Variants in KCNMA1 observed in about 807,000 individuals in gnomAD.
KCNMA1 encodes Calcium-activated potassium channel subunit alpha-1.
A neutral mutation model predicts 140.0 loss-of-function variants in KCNMA1; 29 were observed. The ratio of observed to expected loss-of-function variants is 0.21; its 90% CI spans 0.15 to 0.28. The LOEUF (loss-of-function observed/expected upper bound fraction) is 0.28, where lower values mean the gene tolerates loss of function less well. Among genes scored for constraint, KCNMA1 ranks in the 10% least tolerant of loss-of-function variants. The probability of loss-of-function intolerance (pLI) is 1.00; values close to 1 mark genes in which losing one functional copy is unlikely to be tolerated. For missense variants in KCNMA1, 880 were observed against 1,602.2 expected, an observed-to-expected ratio of 0.55 and a Z score of 7.70; for synonymous variants, 612 against 611.9, an observed-to-expected ratio of 1.00 and a Z score of 0.00.
intron 2 of KCNMA1, among the ~76,000 whole-genome samples, chr10:77,395,531 T>C (rs2096015939): frequency 1.3e-5 from 2 of 152,154 alleles, no homozygotes; most frequent in Admixed American, 6.5e-5. Flanking sequence ...CACAGGGAAA[T>C]GAAAATGGAA....
At chr10:77,533,499 A>G (rs2058180301) in intron 1 of KCNMA1, among the ~76,000 whole-genome samples, 1 of 152,158 alleles carries the variant, frequency 6.6e-6, no homozygotes, top group Admixed American at 6.5e-5. Flanking sequence ...GGAACAGTAA[A>G]TGTTGGAAGT....
chr10:76,911,264 C>G (rs1286028946), intron 24 of KCNMA1: 1 of 151,914 alleles, frequency 6.6e-6, no homozygotes, highest in Non-Finnish European at 1.5e-5. Flanking sequence ...GCATGAAAGG[C>G]TAGGCATGGA....
intron 3 of KCNMA1, among the ~76,000 whole-genome samples, chr10:77,215,917 C>T (rs2047637956): frequency 6.6e-6 from 1 of 151,630 alleles, no homozygotes; most frequent in Non-Finnish European, 1.5e-5. Context: ...CTCTCTCTCT[C>T]TCTCTCTCTC....
intron 1 of KCNMA1, among the ~76,000 whole-genome samples, chr10:77,549,839 G>A (rs778325546): frequency 2.6e-5 from 4 of 152,320 alleles, no homozygotes; most frequent in East Asian, 3.9e-4. Context: ...GTAGGTGTTC[G>A]TACTAAATAC....
chr10:77,270,737 G>T (rs1032236630), intron 2 of KCNMA1, among the ~76,000 whole-genome samples: 8 of 150,840 alleles, frequency 5.3e-5, no homozygotes, highest in Admixed American at 2.0e-4. Flanking sequence ...TGATTGGCCT[G>T]CCTCGGCCTC....
intron 29 of KCNMA1, among the ~76,000 whole-genome samples, chr10:76,879,740 T>TA (rs1421012516): frequency 6.6e-6 from 1 of 152,244 alleles, no homozygotes; most frequent in Non-Finnish European, 1.5e-5. Flanking sequence ...CAGCTCCATT[T>TA]AAAAAACCAT....
chr10:77,042,110 G>A (rs2094744782), intron 14 of KCNMA1, among the ~76,000 whole-genome samples: 1 of 152,144 alleles, frequency 6.6e-6, no homozygotes, highest in Non-Finnish European at 1.5e-5. Flanking sequence ...TTAGACATTA[G>A]CTAGGCAGTG....
chr10:77,100,636 G>A (rs942336334), intron 9 of KCNMA1, among the ~76,000 whole-genome samples: 4 of 152,138 alleles, frequency 2.6e-5, no homozygotes, highest in African/African-American at 9.7e-5. Context: ...CAGCATGGAA[G>A]GAACCCCAAA....
At chr10:77,022,159 T>C (rs1222687806) in intron 16 of KCNMA1, among the ~76,000 whole-genome samples, 1 of 152,134 alleles carries the variant, frequency 6.6e-6, no homozygotes, top group Non-Finnish European at 1.5e-5. Context: ...GAGTATCCAA[T>C]GTTAAGTTTG....
chr10:77,208,926 A>C (rs922524649), intron 3 of KCNMA1, among the ~76,000 whole-genome samples: 1 of 152,200 alleles, frequency 6.6e-6, no homozygotes, highest in African/African-American at 2.4e-5. Context: ...CATGCTGAGC[A>C]ATGCTGGTGT....
intron 1 of KCNMA1, among the ~76,000 whole-genome samples, chr10:77,529,024 C>T (rs552603393): frequency 3.3e-5 from 5 of 152,062 alleles, no homozygotes; most frequent in Non-Finnish European, 7.4e-5. Flanking sequence ...GATGGTTGAA[C>T]AGAATTCTGG....
intron 2 of KCNMA1, among the ~76,000 whole-genome samples, chr10:77,264,057 T>C (rs1055764938): frequency 6.6e-6 from 1 of 152,128 alleles, no homozygotes; most frequent in Non-Finnish European, 1.5e-5. Flanking sequence ...ATAGCATCCC[T>C]CATGCTCAAT....
At chr10:77,383,017 T>C (rs1408774122) in intron 2 of KCNMA1, among the ~76,000 whole-genome samples, 1 of 132,514 alleles carries the variant, frequency 7.5e-6, no homozygotes, top group Non-Finnish European at 1.6e-5. Flanking sequence ...TATATATATA[T>C]ATATATATAT....
At chr10:77,499,647 G>A (rs998151735) in intron 1 of KCNMA1, among the ~76,000 whole-genome samples, 2 of 152,090 alleles carry the variant, frequency 1.3e-5, no homozygotes, top group Non-Finnish European at 1.5e-5. Context: ...TGCAAAGTGC[G>A]ATAAAGCAGA....
intron 19 of KCNMA1, among the ~76,000 whole-genome samples, chr10:76,997,468 CAG>C (rs762309605): frequency 2.0e-5 from 3 of 152,178 alleles, no homozygotes; most frequent in Non-Finnish European, 2.9e-5. Context: ...TTGTTTGTGC[CAG>C]AGTTACTGAT....
intron 1 of KCNMA1, among the ~76,000 whole-genome samples, chr10:77,481,382 C>T (rs931413547): frequency 1.6e-4 from 25 of 152,144 alleles, no homozygotes; most frequent in African/African-American, 5.3e-4. Flanking sequence ...GGTTCACCCT[C>T]CTCCAAAATC....
chr10:77,355,426 G>A (rs1355455208), intron 2 of KCNMA1, among the ~76,000 whole-genome samples: 1 of 152,104 alleles, frequency 6.6e-6, no homozygotes, highest in African/African-American at 2.4e-5. Flanking sequence ...ATGGGTTCAG[G>A]GATGGGCATG....
chr10:76,900,308 G>A (rs1052558092), intron 25 of KCNMA1, among the ~76,000 whole-genome samples: 3 of 151,894 alleles, frequency 2.0e-5, no homozygotes, highest in African/African-American at 7.3e-5. Context: ...CTACCATAAA[G>A]TATTACAAAA....
At chr10:77,434,682 G>A (rs141022493) in intron 1 of KCNMA1, among the ~76,000 whole-genome samples, 206 of 152,222 alleles carry the variant, frequency 1.4e-3, no homozygotes, top group Admixed American at 1.4e-3. Flanking sequence ...TGCCGGTGTC[G>A]AGCACTGGAA....
Sources: allele counts gnomAD v4.1 joint callset (sites outside exome capture counted in the v4.1 genomes callset), GRCh38; gene constraint gnomAD v4.1.1; transcripts MANE v1.5; gene names NCBI Gene and HGNC (gene_info 2026-07-23, HGNC 2026-07-21).